Variants in SPON2 observed in about 807,000 individuals in gnomAD.
SPON2 encodes the protein spondin-2.
A neutral mutation model predicts 29.9 loss-of-function variants in SPON2; 32 were observed. The ratio of observed to expected loss-of-function variants is 1.07; its 90% confidence interval spans 0.81 to 1.44. The LOEUF (loss-of-function observed/expected upper bound fraction) is 1.44. Among genes scored for constraint, SPON2 ranks in the 40% most tolerant of loss-of-function variants. The pLI, the probability that SPON2 is intolerant of heterozygous loss-of-function variation, is 0.00. For missense variants in SPON2, 541 were observed against 455.5 expected, an observed-to-expected ratio of 1.19 and a Z score of -1.71; for synonymous variants, 248 against 209.1, an observed-to-expected ratio of 1.19 and a Z score of -1.61.
At chr4:1,185,977 G>C (rs900022260) in intron 1 of SPON2, among the ~76,000 whole-genome samples, 1 of 151,860 alleles carries the variant, frequency 6.6e-6, no homozygotes, top group Non-Finnish European at 1.5e-5. Flanking sequence ...GGGCGTGGTG[G>C]CTCACGCCTG....
At chr4:1,201,279 T>G (rs1728198784) in intron 1 of SPON2, 2 of 381,818 alleles carry the variant, frequency 5.2e-6, no homozygotes, top group African/African-American at 2.1e-5. Flanking sequence ...CTGCCCTGAG[T>G]GTCCCGGCCG....
intron 1 of SPON2, among the ~76,000 whole-genome samples, chr4:1,187,870 C>G (rs995386739): frequency 6.6e-6 from 1 of 152,016 alleles, no homozygotes; most frequent in African/African-American, 2.4e-5. Context: ...TTACACTGCC[C>G]TTTGAAAATG....
At chr4:1,176,397 TCA>T, upstream of SPON2, among the ~76,000 whole-genome samples, 1 of 152,154 alleles carries the variant, frequency 6.6e-6, no homozygotes, top group East Asian at 1.9e-4. Flanking sequence ...ATTCATTCAC[TCA>T]CACAGTACTT....
chr4:1,194,963 C>CCTCACAGCCGGCGGT lies in SPON2; in HGVS notation c.-239+26_-239+27insACCGCCGGCTGTGAG, dbSNP rs1728019154. On this transcript the variant is annotated intron_variant, in intron 1 of 3. Coordinates refer to the SPON2 transcript ENST00000502483. ...GCGGCTCCAACCTCGCAGCCGGCGA[C>CCTCACAGCCGGCGGT]TCCAACCCCGCAGCCGGCGGCCTCA... 3.5e-5 allele frequency: 5 copies of CCTCACAGCCGGCGGT among 144,776 alleles called. No individual in the cohort carries two copies. The East Asian group carries it at 8.3e-4, about 24-fold the overall frequency. The allele number at this position is 144,776 out of a possible 1,614,324, so 9.0% of individuals were successfully genotyped here.
At chr4:1,177,182 G>A (rs1414485957), upstream of SPON2, among the ~76,000 whole-genome samples, 1 of 152,204 alleles carries the variant, frequency 6.6e-6, no homozygotes, top group Non-Finnish European at 1.5e-5. Context: ...CTGCCTGTCT[G>A]CAGCTGGGCA....
intron 1 of SPON2, among the ~76,000 whole-genome samples, chr4:1,191,498 T>C (rs1366542227): frequency 6.6e-6 from 1 of 152,176 alleles, no homozygotes; most frequent in Non-Finnish European, 1.5e-5. Context: ...AAAGTAAAAG[T>C]CGTGAGTTTT....
intron 1 of SPON2, among the ~76,000 whole-genome samples, chr4:1,203,020 C>G (rs1368726475): frequency 2.0e-5 from 3 of 152,156 alleles, no homozygotes; most frequent in Admixed American, 1.3e-4. Flanking sequence ...GTCCTCAGGG[C>G]CCTTATAAAA....
At chr4:1,172,143 G>A (rs1727481298) in intron 1 of SPON2, 69 bp from the exon 2 acceptor site, 16 of 1,397,946 alleles carry the variant, frequency 1.1e-5, no homozygotes, top group Non-Finnish European at 1.5e-5. Flanking sequence ...AAAGCCGAGA[G>A]GGCTGCGGCA....
chr4:1,186,114 G>T (rs190817369), intron 1 of SPON2, among the ~76,000 whole-genome samples: 8 of 150,452 alleles, frequency 5.3e-5, no homozygotes, highest in Admixed American at 3.3e-4. Context: ...CGTGGTGGTG[G>T]GCGCCTGTAG....
intron 1 of SPON2, among the ~76,000 whole-genome samples, chr4:1,192,906 G>A (rs1283749089): frequency 6.6e-6 from 1 of 152,208 alleles, no homozygotes; most frequent in Non-Finnish European, 1.5e-5. Context: ...GAGGTGCCAG[G>A]GAGGGGGCAG....
intron 1 of SPON2, among the ~76,000 whole-genome samples, chr4:1,207,454 C>T (rs997245508): frequency 6.6e-6 from 1 of 152,162 alleles, no homozygotes; most frequent in South Asian, 2.1e-4. Context: ...CACTGACCAA[C>T]GGGGTCAGTA....
upstream of SPON2, among the ~76,000 whole-genome samples, chr4:1,174,072 C>T (rs1435519086): frequency 2.0e-5 from 3 of 151,944 alleles, no homozygotes; most frequent in African/African-American, 4.8e-5. Context: ...TGGTGGAGTG[C>T]GCCTGTGGTC....
At chr4:1,185,142 C>T (rs867675906) in intron 1 of SPON2, among the ~76,000 whole-genome samples, 27 of 151,388 alleles carry the variant, frequency 1.8e-4, no homozygotes, top group East Asian at 6.2e-4. Context: ...GGCACAATCT[C>T]GGCTCACTGC....
intron 2 of SPON2, 168 bp downstream of exon 2, chr4:1,171,684 C>A: frequency 2.6e-6 from 2 of 762,400 alleles, no homozygotes; most frequent in Middle Eastern, 3.8e-4. Flanking sequence ...CTGCCCCCAC[C>A]GCATCCCCGG....
At chr4:1,177,518 C>T (rs928587431), upstream of SPON2, among the ~76,000 whole-genome samples, 5 of 152,004 alleles carry the variant, frequency 3.3e-5, no homozygotes, top group South Asian at 2.1e-4. Context: ...GTTTGTGAGC[C>T]GCGTGGAGCA....
chr4:1,198,346 G>A (rs61349990), upstream of SPON2, among the ~76,000 whole-genome samples: 2,722 of 152,264 alleles, frequency 0.018, 78 homozygotes, highest in African/African-American at 0.063. Flanking sequence ...GCAGATGTCC[G>A]CAGCTGACGA....
Position 1,189,746 on chromosome 4 carries a change from T to A in SPON2, c.-239+5244A>T, listed in dbSNP as rs369364504. On this transcript the variant is annotated intron_variant, in intron 1 of 3. Coordinates refer to the SPON2 transcript ENST00000502483. ...GCTCACACCTATAATCCCAGCACTT[T>A]GGGAGGCTGAGGCGGGCGGATCACA... is the stretch of plus-strand genomic sequence containing the variant. Among the ~76,000 whole-genome samples the A allele has an allele frequency of 2.2e-4, 34 of 151,720 alleles. No individual in the cohort carries two copies. In the East Asian group the frequency reaches 4.3e-3, roughly 19 times the overall value.
chr4:1,204,111 G>A (rs549488211), intron 1 of SPON2, among the ~76,000 whole-genome samples: 18 of 152,080 alleles, frequency 1.2e-4, no homozygotes, highest in Non-Finnish European at 1.8e-4. Flanking sequence ...ACCTCAAATG[G>A]TCCCCCCAGC....
At chr4:1,181,350 T>C (rs375166543) in intron 1 of SPON2, among the ~76,000 whole-genome samples, 42 of 152,242 alleles carry the variant, frequency 2.8e-4, no homozygotes, top group African/African-American at 9.4e-4. Context: ...CACTAGGAAA[T>C]CTGTCCTACA....
Sources: allele counts gnomAD v4.1 joint callset (sites outside exome capture counted in the v4.1 genomes callset), GRCh38; gene constraint gnomAD v4.1.1; transcripts MANE v1.5; gene names NCBI Gene and HGNC (gene_info 2026-07-23, HGNC 2026-07-21).